PLEKHG2: variants seen among roughly 807,000 people sequenced by gnomAD.
The protein encoded by PLEKHG2 is pleckstrin homology domain-containing family G member 2.
In PLEKHG2, 71 loss-of-function variants were observed where a neutral mutation model predicts 104.4. That is an observed-to-expected ratio of 0.68 (90% CI 0.56 to 0.83). The LOEUF (loss-of-function observed/expected upper bound fraction) is 0.83. PLEKHG2 is among the 40% of genes least tolerant of loss of function. The probability of loss-of-function intolerance (pLI) is 0.00; values close to 1 mark genes in which losing one functional copy is unlikely to be tolerated. For missense variants in PLEKHG2, 1,730 were observed against 1,809.4 expected (o/e 0.96, Z 0.80); for synonymous variants, 728 against 737.0 (o/e 0.99, Z 0.20).
At chr19:39,422,025 C>A in intron 16 of PLEKHG2, 90 bp from the exon 17 acceptor site, 2 of 1,363,940 alleles carry the variant, frequency 1.5e-6, no homozygotes, top group Non-Finnish European at 2.0e-6. Flanking sequence ...TCAAAACAAA[C>A]AAACGCAAAA....
chr19:39,424,179 G>A lies in PLEKHG2; in HGVS notation c.3046G>A (p.Val1016Ile), dbSNP rs144287050. 358 of 1,614,052 alleles carry A rather than the reference G, an allele frequency of 2.2e-4. 1 individual carries two copies. The Middle Eastern group carries it at 3.1e-3, about 14-fold the overall frequency. Residue 1016 changes from valine (V) to isoleucine (I), a missense_variant, in exon 19 of 19, where the codon GTT (valine) becomes ATT (isoleucine). By Grantham distance (29) the Val-to-Ile change is conservative. Coordinates refer to ENST00000425673, the MANE Select transcript of PLEKHG2 (RefSeq NM_022835.3). The stretch of plus-strand genomic sequence containing the variant: ...GCAGGGACACTGTGCGGACATCCAC[G>A]TTCCCACCACTCCAGCTTTGCCCAA... ...PEQGHCADIH[V>I]PTTPALPKEI... is the part of the protein sequence containing the mutation.
At chr19:39,417,510 T>C (rs765976195) in intron 7 of PLEKHG2, 45 bp from the exon 8 acceptor site, 25 of 1,599,250 alleles carry the variant, frequency 1.6e-5, no homozygotes, top group Non-Finnish European at 2.0e-5. Flanking sequence ...TTTCTCCTTC[T>C]CTGTTTCTCT....
In PLEKHG2 at chr19:39,423,478, G is replaced by C. The variant is rs750913459; in HGVS notation, c.2424G>C (p.Pro808=). 1 of 1,598,960 alleles carries C rather than the reference G, an allele frequency of 6.3e-7. No individual in the cohort carries two copies. Among genetic ancestry groups the C allele is most frequent in the East Asian group, 2.2e-5 (1 of 44,538 alleles). The change falls in exon 18 of 19, where the codon CCG becomes CCC. Residue 808 remains proline, a synonymous_variant. Coordinates refer to ENST00000425673, the MANE Select transcript of PLEKHG2 (RefSeq NM_022835.3). ...GCGGGAGCGGGAAGGCAGGAGCCCC[G>C]AGTTCAGAAAGGACGGCGTCCCGAG... is the stretch of plus-strand genomic sequence containing the variant. The part of the protein sequence containing the change: ...GDSGSGKAGA[P]SSERTASRVR...
rs1319184905 is a variant in PLEKHG2 at position 39,427,378 on chromosome 19, A to G, written c.*2084A>G. On this transcript the variant is annotated 3_prime_UTR_variant, in exon 19 of 19. Transcript: ENST00000425673. ...AGACGGAGTTTCGCTCTTGTTGCCC[A>G]GGCTGGAGTTCAATAGCATGATCTC... is the stretch of plus-strand genomic sequence containing the variant. 1 of 147,326 alleles carries G rather than the reference A, an allele frequency of 6.8e-6. No homozygotes were observed. The highest frequency in any genetic ancestry group is 2.0e-4 in the East Asian group (1 of 4,964). The allele number at this position is 147,326 out of a possible 1,614,324, so 9.1% of individuals were successfully genotyped here.
At chr19:39,420,189 G>T (rs185324063) in intron 11 of PLEKHG2, among the ~76,000 whole-genome samples, 18 of 152,014 alleles carry the variant, frequency 1.2e-4, no homozygotes, top group Non-Finnish European at 2.2e-4. Flanking sequence ...GTGAAACCCC[G>T]TCTCTACTAA....
intron 17 of PLEKHG2, among the ~76,000 whole-genome samples, 180 bp downstream of exon 17, chr19:39,422,468 C>T (rs955813298): frequency 6.6e-6 from 1 of 152,060 alleles, no homozygotes; most frequent in African/African-American, 2.4e-5. Flanking sequence ...AGCTCTGCCT[C>T]CCAGGTTCAA....
rs2078589637 is a variant in PLEKHG2, at chr19:39,415,521, G to A, written c.479+82G>A. 2.1e-6 allele frequency: 3 copies of A among 1,455,960 alleles called. No individual in the cohort carries two copies. The highest frequency in any genetic ancestry group is 1.9e-6 in the Non-Finnish European group (2 of 1,059,594). The allele number at this position is 1,455,960 out of a possible 1,614,324, so 90.2% of individuals were successfully genotyped here. A position where few individuals can be genotyped will look rare whatever the true frequency, so the allele number is the denominator to read the frequency against. ...AATCCAAACCTCGGAGCTTCGTAGT[G>A]TCCTGTCCAGGCTGGTACGTGGGGT... On this transcript the variant is annotated intron_variant, in intron 4 of 18. Coordinates refer to ENST00000425673, the MANE Select transcript of PLEKHG2 (RefSeq NM_022835.3). This position sits in a 1 kb window ranked among gnomAD's most constrained non-coding sequence, Gnocchi z 4.6.
chr19:39,421,411 C>A, intron 16 of PLEKHG2, 112 bp downstream of exon 16: 1 of 1,166,480 alleles, frequency 8.6e-7, no homozygotes. Context: ...TGGGGCCAGA[C>A]AGAGTAACTC....
Position 39,423,822 on chromosome 19 carries a change from G to A in PLEKHG2, c.2689G>A (p.Val897Ile). The A allele has an allele frequency of 4.3e-6, 7 of 1,614,202 alleles. No homozygotes were observed. Among genetic ancestry groups the A allele is most frequent in the Non-Finnish European group, 5.9e-6 (7 of 1,180,052 alleles). ...GGAGTCTGTCCCCCTGGGTCCTGCT[G>A]TCTGGGTTCAAGCTGCCATACCTTT... ...AQESVPLGPA[V>I]WVQAAIPLSK... is the part of the protein sequence containing the mutation. The change falls in exon 19 of 19, where the codon GTC becomes ATC. Residue 897 changes from valine (V) to isoleucine (I), a missense_variant. Val to Ile is a conservative substitution (Grantham distance 29, BLOSUM62 3). Coordinates refer to ENST00000425673, the MANE Select transcript of PLEKHG2 (RefSeq NM_022835.3).
chr19:39,424,130 T>C lies in PLEKHG2; in HGVS notation c.2997T>C (p.Ala999=). The change falls in exon 19 of 19, where the codon GCT becomes GCC. Residue 999 remains alanine, a synonymous_variant. Transcript: ENST00000425673. ...ATAGAAGTCACATGGTTATACCAGC[T>C]CCATCCACCGCCTTTTGTCCTGAGC... ...PEHRSHMVIP[A]PSTAFCPEQG... is the part of the protein sequence containing the mutation. 1.2e-6 allele frequency: 2 copies of C among 1,614,032 alleles called. No individual in the cohort carries two copies. The highest frequency in any genetic ancestry group is 1.7e-6 in the Non-Finnish European group (2 of 1,179,988).
rs1184443291 is a variant in PLEKHG2, at chr19:39,422,275, T to A, written c.1664T>A (p.Leu555His). The change falls in exon 17 of 19, where the codon CTT becomes CAT. Residue 555 changes from leucine to histidine, a missense_variant. Coordinates refer to ENST00000425673, the MANE Select transcript of PLEKHG2 (RefSeq NM_022835.3). ...EILELLNQRG[L>H]RDPGPSTHDI... ...CTGGAACTGCTGAATCAGCGAGGCC[T>A]TCGAGATCCAGGGGTGAGCTGGCTG... is the stretch of plus-strand genomic sequence containing the variant. 6.2e-7 allele frequency: 1 copy of A among 1,611,614 alleles called. No homozygotes were observed. Among genetic ancestry groups the A allele is most frequent in the East Asian group, 2.2e-5 (1 of 44,768 alleles).
chr19:39,424,667 A>G lies in PLEKHG2; in HGVS notation c.3534A>G (p.Ala1178=). ...SLPDIQGPAA[A]PPLPEPSLTD... ...CAGACATCCAGGGTCCAGCGGCTGCACCTCCACTTCCGGAGCCAAGCCTTA... is the reference window on the plus strand; with the variant it reads ...CAGACATCCAGGGTCCAGCGGCTGCGCCTCCACTTCCGGAGCCAAGCCTTA... The change falls in exon 19 of 19, where the codon GCA becomes GCG. Residue 1178 remains alanine (A), a synonymous_variant. Coordinates refer to ENST00000425673, the MANE Select transcript of PLEKHG2 (RefSeq NM_022835.3). The G allele has an allele frequency of 6.2e-7, 1 of 1,614,048 alleles. No individual in the cohort carries two copies. The highest frequency in any genetic ancestry group is 1.1e-5 in the South Asian group (1 of 91,076).
At chr19:39,421,233 T>A in intron 15 of PLEKHG2, 50 bp from the exon 16 acceptor site, 1 of 1,613,442 alleles carries the variant, frequency 6.2e-7, no homozygotes, top group Non-Finnish European at 8.5e-7. Flanking sequence ...TCACTCTTTT[T>A]CCCTTACATC....
Position 39,420,955 on chromosome 19 carries a change from C to T in PLEKHG2, c.1406C>T (p.Ser469Phe), listed in dbSNP as rs777061049. The T allele has an allele frequency of 2.5e-6, 4 of 1,614,070 alleles. No individual in the cohort carries two copies. Among genetic ancestry groups the T allele is most frequent in the Middle Eastern group, 1.7e-4 (1 of 6,058 alleles). ...FTPGRRNTAP[S>F]PGPSVIRRGR... Reference sequence around the variant, plus strand: ...CTGGCCCTCCCTCCCACAGCTCCATCTCCTGGGCCCTCTGTGATTCGCCGA... The same window carrying T: ...CTGGCCCTCCCTCCCACAGCTCCATTTCCTGGGCCCTCTGTGATTCGCCGA... The change falls in exon 14 of 19, where the codon TCT becomes TTT. Residue 469 changes from serine (S) to phenylalanine (F), a missense_variant. Transcript: ENST00000425673.
chr19:39,416,617 G>A lies in PLEKHG2; in HGVS notation c.593+20G>A. The A allele has an allele frequency of 6.2e-7, 1 of 1,612,812 alleles. No homozygotes were observed. Among genetic ancestry groups the A allele is most frequent in the Non-Finnish European group, 8.5e-7 (1 of 1,179,068 alleles). On this transcript the variant is annotated intron_variant, in intron 6 of 18. Coordinates refer to ENST00000425673, the MANE Select transcript of PLEKHG2 (RefSeq NM_022835.3). This position sits in a 1 kb window ranked among gnomAD's most constrained non-coding sequence, Gnocchi z 4.5. ...CCCGAGGTGAGGGGCAGGAGCCCCT[G>A]CTGGGCCTCAGGCTGTGCCCACAAG...
In PLEKHG2 at chr19:39,424,972, A is replaced by G; in HGVS notation, c.3839A>G (p.Tyr1280Cys). Residue 1280 changes from tyrosine to cysteine, a missense_variant, in exon 19 of 19, where the codon TAC (tyrosine) becomes TGC (cysteine). Transcript: ENST00000425673. ...CCCAATGCAGCTGCCCTCTCCAGAT[A>G]CCTGGCAGCCTCATATATCAGCCAG... ...LGPNAAALSR[Y>C]LAASYISQSL... 1 of 1,613,856 alleles carries G rather than the reference A, an allele frequency of 6.2e-7. No individual in the cohort carries two copies. The highest frequency in any genetic ancestry group is 8.5e-7 in the Non-Finnish European group (1 of 1,179,888).
chr19:39,417,054 C>T, intron 7 of PLEKHG2, 54 bp downstream of exon 7: 4 of 1,530,060 alleles, frequency 2.6e-6, no homozygotes, highest in Admixed American at 2.1e-5. Flanking sequence ...TGTCCCTTGA[C>T]CACCTGTTGG....
At position 39,423,620 on chromosome 19, in the gene PLEKHG2, TC is replaced by T; in HGVS notation, c.2571del (p.Cys858ValfsTer27). On this transcript the variant is annotated frameshift_variant, in exon 18 of 19. Coordinates refer to ENST00000425673, the MANE Select transcript of PLEKHG2 (RefSeq NM_022835.3). LOFTEE classifies it low-confidence loss of function (END_TRUNC). The part of the protein sequence containing the change: ...RPRVLAQPQP[S>X]PCLPQEQAEP... ...TCGGGTTCTGGCCCAACCCCAGCCA[TC>T]CCCCTGTCTGCCCCAGGAGCAGGCA... 6.5e-7 allele frequency: 1 copy of T among 1,534,250 alleles called. No individual in the cohort carries two copies. The highest frequency in any genetic ancestry group is 8.8e-7 in the Non-Finnish European group (1 of 1,142,268).
Position 39,419,140 on chromosome 19 carries a change from G to T in PLEKHG2, c.1263+137G>T, listed in dbSNP as rs1307569288. On this transcript the variant is annotated intron_variant, in intron 11 of 18. Coordinates refer to ENST00000425673, the MANE Select transcript of PLEKHG2 (RefSeq NM_022835.3). ...CTAAAAGTGCAGAATTCCGCTACTT[G>T]GGTTTGAATCTTAGCTCTACCATGT... The T allele has an allele frequency of 2.0e-5, 16 of 786,582 alleles. No homozygotes were observed. The Admixed American group carries it at 5.2e-4, about 26-fold the overall frequency. 48.7% of individuals were successfully genotyped at this position (786,582 alleles called of 1,614,324 possible). A position where few individuals can be genotyped will look rare whatever the true frequency, so the allele number is the denominator to read the frequency against.
Sources: gnomAD v4.1 joint callset for allele counts (sites outside exome capture counted in the v4.1 genomes callset) on GRCh38, gnomAD v4.1.1 for gene constraint, Gnocchi (gnomAD v3.1) non-coding constraint, MANE v1.5 for transcripts, NCBI Gene and HGNC (gene_info 2026-07-23, HGNC 2026-07-21) for gene names.